MYO1D: variants seen among roughly 807,000 people sequenced by gnomAD.
MYO1D encodes unconventional myosin-Id.
In MYO1D, 83 loss-of-function variants were observed where a neutral mutation model predicts 122.0. That is an observed-to-expected ratio of 0.68 (90% CI 0.57 to 0.82). The LOEUF (loss-of-function observed/expected upper bound fraction) is 0.82. Among genes scored for constraint, MYO1D ranks in the 40% least tolerant of loss-of-function variants. The pLI, the probability that MYO1D is intolerant of heterozygous loss-of-function variation, is 0.00. For missense variants in MYO1D, 1,157 were observed against 1,269.5 expected, an observed-to-expected ratio of 0.91 and a Z score of 1.35; for synonymous variants, 464 against 446.9, an observed-to-expected ratio of 1.04 and a Z score of -0.48.
At chr17:32,654,123 C>A (rs572727088) in intron 18 of MYO1D, among the ~76,000 whole-genome samples, 176 bp from the exon 19 acceptor site, 10 of 152,224 alleles carry the variant, frequency 6.6e-5, no homozygotes, top group African/African-American at 2.4e-4. Flanking sequence ...AGATCCTATA[C>A]AAATTTTAAA....
At chr17:32,743,807 A>G (rs2089799616) in intron 13 of MYO1D, among the ~76,000 whole-genome samples, 1 of 151,790 alleles carries the variant, frequency 6.6e-6, no homozygotes, top group Non-Finnish European at 1.5e-5. Context: ...TTTAGTAGAG[A>G]CGGGGTTTCA....
intron 21 of MYO1D, among the ~76,000 whole-genome samples, chr17:32,520,179 G>A (rs1407161455): frequency 6.6e-6 from 1 of 152,162 alleles, no homozygotes; most frequent in Non-Finnish European, 1.5e-5. Flanking sequence ...ACAGGGAAAG[G>A]CTCATGAGAC....
intron 11 of MYO1D, among the ~76,000 whole-genome samples, chr17:32,752,947 C>G (rs932336751): frequency 1.8e-4 from 28 of 152,008 alleles, no homozygotes; most frequent in African/African-American, 6.3e-4. Flanking sequence ...CCAGGTATAA[C>G]GAAAAGATAT....
At chr17:32,712,280 T>G (rs1267794841) in intron 15 of MYO1D, 85 bp from the exon 16 acceptor site, 14 of 1,268,428 alleles carry the variant, frequency 1.1e-5, no homozygotes, top group Non-Finnish European at 1.6e-5. Context: ...GCAAGACACC[T>G]CATAGAAAAC....
chr17:32,664,527 T>C (rs1003108194), intron 16 of MYO1D, among the ~76,000 whole-genome samples: 1 of 152,148 alleles, frequency 6.6e-6, no homozygotes, highest in Non-Finnish European at 1.5e-5. Context: ...CTTCAAACAA[T>C]ATTAACACAA....
intron 21 of MYO1D, among the ~76,000 whole-genome samples, chr17:32,509,512 C>T (rs1011850169): frequency 5.3e-5 from 8 of 152,110 alleles, no homozygotes; most frequent in African/African-American, 1.7e-4. Context: ...TTAATGGAGA[C>T]GAGCAGACAC....
intron 20 of MYO1D, among the ~76,000 whole-genome samples, chr17:32,618,721 G>A (rs573105081): frequency 1.3e-5 from 2 of 150,280 alleles, no homozygotes; most frequent in Non-Finnish European, 2.9e-5. Context: ...TGCAACCTCC[G>A]ACTCCCGGGT....
intron 2 of MYO1D, 136 bp from the exon 3 acceptor site, chr17:32,778,709 C>CT (rs778503669): frequency 6.4e-6 from 5 of 775,916 alleles, no homozygotes; most frequent in Non-Finnish European, 1.0e-5. Flanking sequence ...CATTTTTTTG[C>CT]TTTTTTGAGT....
chr17:32,782,468 C>T (rs2090248822), intron 1 of MYO1D, among the ~76,000 whole-genome samples: 1 of 152,154 alleles, frequency 6.6e-6, no homozygotes, highest in Admixed American at 6.5e-5. Context: ...CATAATTATA[C>T]CCCTCTACCC....
At position 32,871,149 on chromosome 17, in the gene MYO1D, AG is replaced by A. The variant is rs199636541; in HGVS notation, c.95+5628del. On this transcript the variant is annotated intron_variant, in intron 1 of 21. Coordinates refer to ENST00000318217, the MANE Select transcript of MYO1D (RefSeq NM_015194.3). ...CCAGGGGGTGAAAACAGCAAGAGCCAGTGGCTCTCAGCTAGGGATAATATTG... is the reference window on the plus strand; with the variant it reads ...CCAGGGGGTGAAAACAGCAAGAGCCATGGCTCTCAGCTAGGGATAATATTG... 1.2e-3 allele frequency among the ~76,000 whole-genome samples: 180 copies of A among 152,304 alleles called. 2 individuals carry two copies. The East Asian group carries it at 0.024, about 20-fold the overall frequency.
At chr17:32,677,571 A>T (rs1385081286) in intron 16 of MYO1D, among the ~76,000 whole-genome samples, 1 of 134,118 alleles carries the variant, frequency 7.5e-6, no homozygotes, top group East Asian at 2.2e-4. Flanking sequence ...GGGGATATAT[A>T]GATAGATAAA....
chr17:32,660,070 A>G (rs2088540724), intron 16 of MYO1D, among the ~76,000 whole-genome samples: 3 of 152,146 alleles, frequency 2.0e-5, no homozygotes, highest in Admixed American at 6.6e-5. Flanking sequence ...GCGATCTTCA[A>G]TTAATCACTG....
chr17:32,543,877 C>T (rs1256816122), intron 21 of MYO1D, among the ~76,000 whole-genome samples: 3 of 152,066 alleles, frequency 2.0e-5, no homozygotes, highest in African/African-American at 7.2e-5. Context: ...ACTGCAACCT[C>T]CGCCTCCCAG....
intron 21 of MYO1D, among the ~76,000 whole-genome samples, chr17:32,576,961 T>A (rs1011381585): frequency 2.0e-5 from 3 of 152,122 alleles, no homozygotes; most frequent in African/African-American, 7.2e-5. Flanking sequence ...ATTAAAAGTG[T>A]GAGGTAGGCT....
At position 32,654,482 on chromosome 17, in the gene MYO1D, C is replaced by T; in HGVS notation, c.2485G>A (p.Ala829Thr). ...LQRAWEGNYL[A>T]SKPDTPQTSG... is the part of the protein sequence containing the mutation. Reference sequence around the variant, plus strand: ...CTTTGTTCCCTTGGACTTACTGAAGCAAGATAGTTGCCCTCCCAGGCCCTC... The same window carrying T: ...CTTTGTTCCCTTGGACTTACTGAAGTAAGATAGTTGCCCTCCCAGGCCCTC... Residue 829 changes from alanine (A) to threonine (T), a missense_variant, in exon 18 of 22, where the codon GCT (alanine) becomes ACT (threonine). By Grantham distance (58) the Ala-to-Thr change is moderately conservative. Transcript: ENST00000318217. 6.2e-7 allele frequency: 1 copy of T among 1,610,868 alleles called. No homozygotes were observed. The highest frequency in any genetic ancestry group is 8.5e-7 in the Non-Finnish European group (1 of 1,178,736).
At chr17:32,702,541 A>C (rs1374156353) in intron 16 of MYO1D, among the ~76,000 whole-genome samples, 1 of 151,840 alleles carries the variant, frequency 6.6e-6, no homozygotes, top group East Asian at 1.9e-4. Context: ...GTCTTTCCAC[A>C]GACTTTCTTC....
At position 32,760,328 on chromosome 17, in the gene MYO1D, G is replaced by C. The variant is rs754959159; in HGVS notation, c.1258C>G (p.Gln420Glu). The C allele has an allele frequency of 6.2e-7, 1 of 1,612,510 alleles. No individual in the cohort carries two copies. The highest frequency in any genetic ancestry group is 8.5e-7 in the Non-Finnish European group (1 of 1,178,812). The part of the protein sequence containing the change: ...LFIQLVLKQE[Q>E]EEYQREGIPW... ...ATCCCTTCCCGCTGGTATTCCTCTT[G>C]TTCTTGCTTCAGAACCAGCTGAATA... The change falls in exon 10 of 22, where the codon CAA (glutamine) becomes GAA (glutamate). Residue 420 changes from glutamine (Q) to glutamate (E), a missense_variant. Physicochemically the swap from Gln to Glu is conservative, Grantham distance 29. Transcript: ENST00000318217.
At chr17:32,602,398 T>C (rs970486325) in intron 21 of MYO1D, among the ~76,000 whole-genome samples, 3 of 152,252 alleles carry the variant, frequency 2.0e-5, no homozygotes, top group African/African-American at 7.2e-5. Flanking sequence ...ACATGAGCTT[T>C]GTTTCAGGAC....
At chr17:32,824,355 T>C (rs2090702792) in intron 1 of MYO1D, among the ~76,000 whole-genome samples, 1 of 152,204 alleles carries the variant, frequency 6.6e-6, no homozygotes, top group Admixed American at 6.5e-5. Flanking sequence ...CTCGAAAAGT[T>C]GGCTTTAAAG....
Sources: gnomAD v4.1 joint callset for allele counts (sites outside exome capture counted in the v4.1 genomes callset) on GRCh38, gnomAD v4.1.1 for gene constraint, MANE v1.5 for transcripts, NCBI Gene and HGNC (gene_info 2026-07-23, HGNC 2026-07-21) for gene names.